Variants in RBFOX1 observed in about 807,000 individuals in gnomAD.
RBFOX1 encodes RNA binding protein fox-1 homolog 1.
A neutral mutation model predicts 57.7 loss-of-function variants in RBFOX1; 8 were observed. That is an observed-to-expected ratio of 0.14 (90% CI 0.08 to 0.25). RBFOX1 has a LOEUF of 0.25. Among genes scored for constraint, RBFOX1 ranks in the 10% least tolerant of loss-of-function variants. RBFOX1 has a pLI of 1.00. For missense variants in RBFOX1, 611 were observed against 548.5 expected, an observed-to-expected ratio of 1.11 and a Z score of -1.14; for synonymous variants, 326 against 222.4, an observed-to-expected ratio of 1.47 and a Z score of -4.15.
chr16:6,982,838 C>G (rs896937700), intron 3 of RBFOX1, among the ~76,000 whole-genome samples: 2 of 151,700 alleles, frequency 1.3e-5, no homozygotes, highest in Non-Finnish European at 2.9e-5. Flanking sequence ...ACTAAAAATA[C>G]AAAAATTAGC....
intron 3 of RBFOX1, among the ~76,000 whole-genome samples, chr16:5,785,200 C>T (rs1402184346): frequency 6.6e-6 from 1 of 152,164 alleles, no homozygotes; most frequent in African/African-American, 2.4e-5. Flanking sequence ...ATCTCTTTCC[C>T]CTGTTCTCTT....
At chr16:6,972,898 T>C (rs545382580) in intron 3 of RBFOX1, among the ~76,000 whole-genome samples, 1 of 152,142 alleles carries the variant, frequency 6.6e-6, no homozygotes, top group African/African-American at 2.4e-5. Flanking sequence ...CTGAAGTGGG[T>C]GGATCACTTG....
intron 3 of RBFOX1, among the ~76,000 whole-genome samples, chr16:6,680,826 G>C (rs938591212): frequency 2.0e-5 from 3 of 152,150 alleles, no homozygotes; most frequent in African/African-American, 7.2e-5. Flanking sequence ...AATATTAAAA[G>C]CTTCTTGGTT....
chr16:6,112,606 G>C (rs562890175), intron 1 of RBFOX1, among the ~76,000 whole-genome samples: 1 of 152,154 alleles, frequency 6.6e-6, no homozygotes, highest in African/African-American at 2.4e-5. Context: ...CAGGATAATC[G>C]TTTGAACCCA....
intron 3 of RBFOX1, among the ~76,000 whole-genome samples, chr16:5,866,049 C>A (rs1307862543): frequency 6.6e-6 from 1 of 152,144 alleles, no homozygotes; most frequent in Non-Finnish European, 1.5e-5. Flanking sequence ...TTCAATGCAA[C>A]CTCTGCCTCC....
chr16:7,587,100 T>C (rs2152893072), intron 6 of RBFOX1, 147 bp from the exon 7 acceptor site: 1 of 1,061,228 alleles, frequency 9.4e-7, no homozygotes, highest in East Asian at 3.3e-5. Flanking sequence ...TTTTCTCTTG[T>C]TTCAAGCACA....
At chr16:5,733,612 AG>A (rs1462453480) in intron 3 of RBFOX1, among the ~76,000 whole-genome samples, 1 of 152,112 alleles carries the variant, frequency 6.6e-6, no homozygotes, top group Non-Finnish European at 1.5e-5. Flanking sequence ...CTAGTCCCCA[AG>A]GTGCCTCATG....
chr16:5,319,694 A>G (rs1429660783), intron 1 of RBFOX1, among the ~76,000 whole-genome samples: 1 of 152,224 alleles, frequency 6.6e-6, no homozygotes, highest in Non-Finnish European at 1.5e-5. Context: ...AGGGAAAGTC[A>G]CACTAGAGGC....
intron 4 of RBFOX1, among the ~76,000 whole-genome samples, chr16:7,320,086 T>TAAGAAAAG (rs2096518518): frequency 6.6e-6 from 1 of 152,178 alleles, no homozygotes; most frequent in African/African-American, 2.4e-5. Context: ...TTAATTTTAT[T>TAAGAAAAG]GTAAGTTGCA....
intron 3 of RBFOX1, among the ~76,000 whole-genome samples, chr16:6,982,517 G>T (rs549482933): frequency 3.3e-5 from 5 of 152,068 alleles, no homozygotes; most frequent in African/African-American, 9.7e-5. Flanking sequence ...AGTCTCAGAC[G>T]GCCTCGCCCT....
intron 2 of RBFOX1, among the ~76,000 whole-genome samples, chr16:5,494,648 T>C (rs1259725545): frequency 1.3e-5 from 2 of 152,182 alleles, no homozygotes; most frequent in Non-Finnish European, 2.9e-5. Context: ...AGAGGAGCCA[T>C]ATATGCTTGG....
intron 3 of RBFOX1, among the ~76,000 whole-genome samples, chr16:7,051,727 G>C (rs374702686): frequency 6.6e-6 from 1 of 152,156 alleles, no homozygotes; most frequent in South Asian, 2.1e-4. Context: ...TATAGGGCAA[G>C]CTGGGGTTTT....
At chr16:6,965,853 A>G (rs9302833) in intron 3 of RBFOX1, among the ~76,000 whole-genome samples, 122,322 of 152,110 alleles carry the variant, frequency 0.8, 49,885 homozygotes, top group African/African-American at 0.95. Flanking sequence ...CCATGGGGAT[A>G]AGGAAACTGA....
intron 1 of RBFOX1, among the ~76,000 whole-genome samples, chr16:6,240,540 A>G (rs1469870187): frequency 6.6e-6 from 1 of 151,390 alleles, no homozygotes; most frequent in Non-Finnish European, 1.5e-5. Context: ...CAATTTTCAA[A>G]CTCTTCATCA....
At chr16:6,676,278 G>C (rs1377180964) in intron 3 of RBFOX1, among the ~76,000 whole-genome samples, 1 of 152,064 alleles carries the variant, frequency 6.6e-6, no homozygotes, top group African/African-American at 2.4e-5. Flanking sequence ...TCCATGATCA[G>C]AAAGGTGTGT....
At chr16:5,241,676 G>C (rs986819897) in intron 1 of RBFOX1, among the ~76,000 whole-genome samples, 1 of 152,228 alleles carries the variant, frequency 6.6e-6, no homozygotes, top group African/African-American at 2.4e-5. Flanking sequence ...GAGATTAAGG[G>C]AAGCTCGTCC....
At chr16:6,721,545 A>T (rs1261686825) in intron 3 of RBFOX1, among the ~76,000 whole-genome samples, 1 of 152,124 alleles carries the variant, frequency 6.6e-6, no homozygotes, top group African/African-American at 2.4e-5. Context: ...GAACTTTTTC[A>T]TCTTGTAAGA....
chr16:5,925,208 A>G (rs994677157), intron 4 of RBFOX1, among the ~76,000 whole-genome samples: 26 of 152,178 alleles, frequency 1.7e-4, no homozygotes, highest in Admixed American at 1.2e-3. Flanking sequence ...GCCTGTATAC[A>G]AATGCTTATA....
chr16:6,163,713 C>G (rs2096895820), intron 1 of RBFOX1, among the ~76,000 whole-genome samples: 1 of 152,062 alleles, frequency 6.6e-6, no homozygotes, highest in African/African-American at 2.4e-5. Flanking sequence ...AATTGTAAAA[C>G]CAGTGATTTG....
Sources: allele counts gnomAD v4.1 joint callset (sites outside exome capture counted in the v4.1 genomes callset), GRCh38; gene constraint gnomAD v4.1.1; transcripts MANE v1.5; gene names NCBI Gene and HGNC (gene_info 2026-07-23, HGNC 2026-07-21).